The following AGBL4 variants were observed in gnomAD, a reference collection of about 807,000 sequenced individuals.
The protein encoded by AGBL4 is cytosolic carboxypeptidase 6.
AGBL4 carries 58 observed loss-of-function variants against 66.4 expected under a neutral mutation model. That is an observed-to-expected ratio of 0.87 (90% CI 0.71 to 1.09). AGBL4 has a LOEUF of 1.09. Ranked by LOEUF, AGBL4 falls within the 50% of genes least tolerant of loss-of-function variation. AGBL4 has a pLI of 0.00. For synonymous variants in AGBL4, 234 were observed against 222.9 expected (o/e 1.05, Z -0.44); for missense variants, 579 against 631.0 (o/e 0.92, Z 0.88).
chr1:48,728,599 T>C (rs919619108), intron 6 of AGBL4, among the ~76,000 whole-genome samples: 1 of 152,042 alleles, frequency 6.6e-6, no homozygotes, highest in Non-Finnish European at 1.5e-5. Flanking sequence ...TCTATCACAA[T>C]TTGTTTTATC....
chr1:49,848,904 T>C (rs1207654685), intron 2 of AGBL4, among the ~76,000 whole-genome samples: 1 of 152,190 alleles, frequency 6.6e-6, no homozygotes, highest in African/African-American at 2.4e-5. Context: ...CTGCACTAGA[T>C]ATTCCTAATC....
At chr1:49,909,929 T>A (rs577162590) in intron 1 of AGBL4, among the ~76,000 whole-genome samples, 1 of 152,312 alleles carries the variant, frequency 6.6e-6, no homozygotes, top group South Asian at 2.1e-4. Flanking sequence ...CAAAAGTTTA[T>A]GTCTGGGCAT....
At chr1:48,916,823 G>A (rs549543965) in intron 5 of AGBL4, among the ~76,000 whole-genome samples, 1 of 151,228 alleles carries the variant, frequency 6.6e-6, no homozygotes, top group East Asian at 2.0e-4. Flanking sequence ...TATTGTCAAT[G>A]CCTTTGATAA....
chr1:49,371,652 T>C (rs528514757), intron 3 of AGBL4, among the ~76,000 whole-genome samples: 1 of 152,302 alleles, frequency 6.6e-6, no homozygotes, highest in East Asian at 1.9e-4. Flanking sequence ...TTAGTCACCC[T>C]TTCCTGGCCC....
chr1:48,683,308 A>G (rs533578756), intron 6 of AGBL4, among the ~76,000 whole-genome samples: 1 of 152,338 alleles, frequency 6.6e-6, no homozygotes, highest in African/African-American at 2.4e-5. Flanking sequence ...GAGAAACTCT[A>G]CTTCTTTCCA....
chr1:49,714,593 T>TATACAC (rs1491300456), intron 2 of AGBL4, among the ~76,000 whole-genome samples: 1,257 of 113,940 alleles, frequency 0.011, 18 homozygotes, highest in African/African-American at 0.038. Flanking sequence ...TATATATATA[T>TATACAC]ACACACACAC....
intron 6 of AGBL4, among the ~76,000 whole-genome samples, chr1:48,713,408 G>C (rs1646997958): frequency 6.6e-6 from 1 of 152,198 alleles, no homozygotes; most frequent in African/African-American, 2.4e-5. Context: ...AAGCAGCTGA[G>C]GTTGCGGAGT....
intron 3 of AGBL4, among the ~76,000 whole-genome samples, chr1:49,608,725 T>C (rs1031450508): frequency 6.6e-6 from 1 of 152,134 alleles, no homozygotes; most frequent in Non-Finnish European, 1.5e-5. Flanking sequence ...TATTCCTCAG[T>C]AAATGCATCT....
chr1:49,303,858 T>G (rs1475733541), intron 3 of AGBL4, among the ~76,000 whole-genome samples: 4 of 152,118 alleles, frequency 2.6e-5, no homozygotes, highest in Non-Finnish European at 5.9e-5. Flanking sequence ...AAATTTAAGT[T>G]CCTTCTAGAT....
At chr1:48,646,041 A>C (rs1195062511) in intron 8 of AGBL4, among the ~76,000 whole-genome samples, 2 of 152,136 alleles carry the variant, frequency 1.3e-5, no homozygotes, top group African/African-American at 4.8e-5. Context: ...ATAATCCTTC[A>C]GAGGGCGAGG....
intron 3 of AGBL4, among the ~76,000 whole-genome samples, chr1:49,258,713 C>A (rs1234621195): frequency 6.6e-6 from 1 of 152,106 alleles, no homozygotes; most frequent in East Asian, 1.9e-4. Context: ...GAGAATGGAA[C>A]CAAGTTGGAA....
chr1:49,868,442 A>G (rs183336084), intron 1 of AGBL4, among the ~76,000 whole-genome samples: 1 of 151,152 alleles, frequency 6.6e-6, no homozygotes, highest in Non-Finnish European at 1.5e-5. Flanking sequence ...ATGGCACAGA[A>G]TAGAGAATTC....
At chr1:49,568,439 A>T (rs1644258017) in intron 3 of AGBL4, among the ~76,000 whole-genome samples, 1 of 151,510 alleles carries the variant, frequency 6.6e-6, no homozygotes, top group Non-Finnish European at 1.5e-5. Context: ...GGGAGATGAA[A>T]GATCTCCCCA....
rs190250274 is a variant in AGBL4 at position 49,706,465 on chromosome 1, G to T, written c.158-9028C>A. On this transcript the variant is annotated intron_variant, in intron 2 of 13. Transcript: ENST00000371839. ...TTCTTCTTTATTAGTCTGGCCAGCG[G>T]TCTATCTATTTTGTTAATCTTTTCA... Among the ~76,000 whole-genome samples, 516 of 152,116 alleles carry T rather than the reference G, an allele frequency of 3.4e-3. 1 individual carries two copies. The highest frequency in any genetic ancestry group is 0.012 in the African/African-American group (486 of 41,516).
At chr1:48,952,084 A>T (rs1657038132) in intron 5 of AGBL4, among the ~76,000 whole-genome samples, 1 of 152,256 alleles carries the variant, frequency 6.6e-6, no homozygotes. Context: ...TCAAGAGGTC[A>T]TTACTAAAGA....
At chr1:49,250,359 C>A (rs1651949685) in intron 3 of AGBL4, among the ~76,000 whole-genome samples, 2 of 151,132 alleles carry the variant, frequency 1.3e-5, no homozygotes, top group East Asian at 3.9e-4. Flanking sequence ...AGGCAAGGAA[C>A]TGAGAGTGGA....
At chr1:48,954,453 CAG>C (rs1446132216) in intron 5 of AGBL4, among the ~76,000 whole-genome samples, 1 of 152,152 alleles carries the variant, frequency 6.6e-6, no homozygotes, top group East Asian at 1.9e-4. Context: ...AGGCACTGTG[CAG>C]AGTCACAGAG....
chr1:48,823,984 T>C (rs972966867), intron 6 of AGBL4, among the ~76,000 whole-genome samples: 3 of 152,092 alleles, frequency 2.0e-5, no homozygotes, highest in African/African-American at 7.2e-5. Flanking sequence ...TGTGTGTGTG[T>C]GTGTATATGT....
chr1:49,226,818 G>A (rs1649946376), intron 4 of AGBL4, among the ~76,000 whole-genome samples: 1 of 152,108 alleles, frequency 6.6e-6, no homozygotes, highest in Admixed American at 6.6e-5. Flanking sequence ...GTCCATTTGT[G>A]ATGCTATTAA....
Sources: allele counts gnomAD v4.1 joint callset (sites outside exome capture counted in the v4.1 genomes callset), GRCh38; gene constraint gnomAD v4.1.1; transcripts MANE v1.5; gene names NCBI Gene and HGNC (gene_info 2026-07-23, HGNC 2026-07-21).